Variants in ARHGEF11 observed in about 807,000 individuals in gnomAD.
ARHGEF11 encodes the protein Rho guanine nucleotide exchange factor 11.
Under a neutral mutation model 193.7 loss-of-function variants are expected in ARHGEF11, and 55 were observed. The observed-to-expected ratio is 0.28, with a 90% confidence interval of 0.23 to 0.36. The LOEUF is 0.36. ARHGEF11 is among the 10% of genes least tolerant of loss of function. The pLI is 1.00. For missense variants in ARHGEF11, 1,723 were observed against 2,005.6 expected (o/e 0.86, Z 2.69); for synonymous variants, 693 against 768.0 (o/e 0.90, Z 1.62).
At position 156,946,637 on chromosome 1, in the gene ARHGEF11, G is replaced by A. The variant is rs781765101; in HGVS notation, c.2694+25C>T. Reference sequence around the variant, plus strand: ...GGTGACCTTGATGGAGATGAAGGAAGGCCAAGGCATGGCCAAGGACGCACC... The same window carrying A: ...GGTGACCTTGATGGAGATGAAGGAAAGCCAAGGCATGGCCAAGGACGCACC... On this transcript the variant is annotated intron_variant, in intron 28 of 40. Coordinates refer to ENST00000368194, the MANE Select transcript of ARHGEF11 (RefSeq NM_198236.3). 3.0e-5 allele frequency: 48 copies of A among 1,613,982 alleles called. No individual in the cohort carries two copies. In the South Asian group the frequency reaches 4.5e-4, roughly 15 times the overall value.
intron 8 of ARHGEF11, 115 bp from the exon 9 acceptor site, chr1:156,970,158 G>C (rs1368783281): frequency 8.3e-6 from 7 of 844,036 alleles, no homozygotes; most frequent in Non-Finnish European, 1.4e-5. Context: ...CCGCTTCATT[G>C]CCTCAAAAAT....
At chr1:156,990,950 G>A (rs571505036) in intron 1 of ARHGEF11, among the ~76,000 whole-genome samples, 53 of 152,238 alleles carry the variant, frequency 3.5e-4, no homozygotes, top group Admixed American at 9.8e-4. Flanking sequence ...CATTGCTGCT[G>A]AGCTGTCCCT....
chr1:156,939,899 G>A lies in ARHGEF11; in HGVS notation c.3745C>T (p.Arg1249Ter), dbSNP rs1036932379. The change falls in exon 37 of 41, where the codon CGA becomes TGA. Residue 1249 changes from arginine (R) to a stop codon, truncating the protein, a stop_gained. Coordinates refer to ENST00000368194, the MANE Select transcript of ARHGEF11 (RefSeq NM_198236.3). LOFTEE classifies it high-confidence loss of function. ...AGCAGGCTCCACAGGATCAGATGTCGCAGGTTCTCCACTGGAGGGGAAACA... is the reference window on the plus strand; with the variant it reads ...AGCAGGCTCCACAGGATCAGATGTCACAGGTTCTCCACTGGAGGGGAAACA... ...DSALEDVENL[R>*]HLILWSLLPG... 1.2e-6 allele frequency: 2 copies of A among 1,604,636 alleles called. No individual in the cohort carries two copies. Among genetic ancestry groups the A allele is most frequent in the South Asian group, 1.1e-5 (1 of 90,980 alleles).
At chr1:156,999,586 A>G (rs768476628) in intron 1 of ARHGEF11, among the ~76,000 whole-genome samples, 67 of 152,194 alleles carry the variant, frequency 4.4e-4, no homozygotes, top group Admixed American at 1.9e-3. Flanking sequence ...GAAAAGAAAC[A>G]ACAGACACCA....
chr1:156,969,215 G>A (rs1571296646), intron 10 of ARHGEF11, 67 bp downstream of exon 10: 2 of 1,357,848 alleles, frequency 1.5e-6, no homozygotes, highest in Non-Finnish European at 2.1e-6. Context: ...GTAGGCAGCA[G>A]AACTTGGGTC....
At chr1:156,978,813 T>C (rs1421811455) in intron 5 of ARHGEF11, among the ~76,000 whole-genome samples, 1 of 152,254 alleles carries the variant, frequency 6.6e-6, no homozygotes, top group African/African-American at 2.4e-5. Context: ...TCTATTTGAA[T>C]ATTTGTGCAG....
Position 156,944,441 on chromosome 1 carries a change from G to A in ARHGEF11, c.2992-8C>T, listed in dbSNP as rs1172523400. 1.9e-6 allele frequency: 3 copies of A among 1,587,448 alleles called. No individual in the cohort carries two copies. Among genetic ancestry groups the A allele is most frequent in the Non-Finnish European group, 2.6e-6 (3 of 1,173,136 alleles). On this transcript the variant is annotated splice_region_variant and splice_polypyrimidine_tract_variant and intron_variant, in intron 30 of 40. Coordinates refer to ENST00000368194, the MANE Select transcript of ARHGEF11 (RefSeq NM_198236.3). ...GGTTGTAAGATCCAGGCTCTGTTAA[G>A]GAGACACCATTCATTCATTCATTCA...
chr1:157,032,972 T>C (rs78736755), intron 1 of ARHGEF11, among the ~76,000 whole-genome samples: 4,306 of 152,192 alleles, frequency 0.028, 76 homozygotes, highest in South Asian at 0.054. Context: ...TTCCTTCACC[T>C]CCCTTTTAAA....
intron 6 of ARHGEF11, 133 bp downstream of exon 6, chr1:156,978,071 A>G: frequency 1.5e-6 from 2 of 1,372,074 alleles, no homozygotes; most frequent in Non-Finnish European, 2.0e-6. Flanking sequence ...CAACTCTTTC[A>G]ATGGTCTTTC....
rs75193066 is a variant in ARHGEF11 at position 157,041,822 on chromosome 1, C to G, written c.32+2477G>C. ...GTTGCTTTATGTGGTCTTCAAGAGT[C>G]TTACGTGTTTCCCAGTCCCCCAGTT... On this transcript the variant is annotated intron_variant, in intron 1 of 40. Coordinates refer to ENST00000368194, the MANE Select transcript of ARHGEF11 (RefSeq NM_198236.3). 5.3e-3 allele frequency among the ~76,000 whole-genome samples: 805 copies of G among 152,252 alleles called. 10 individuals carry two copies. Among genetic ancestry groups the G allele is most frequent in the African/African-American group, 0.019 (769 of 41,544 alleles).
In ARHGEF11 at chr1:157,032,631, AT is replaced by A. The variant is rs796636140; in HGVS notation, c.32+11667del. Among the ~76,000 whole-genome samples the A allele has an allele frequency of 3.2e-4, 48 of 150,752 alleles. 1 individual carries two copies. Among genetic ancestry groups the A allele is most frequent in the East Asian group, 1.8e-3 (9 of 5,122 alleles). On this transcript the variant is annotated intron_variant, in intron 1 of 40. Transcript: ENST00000368194. ...CCTACCTGACAGGACCAGGAGCGAC[AT>A]TTTTTTTTTCCTTTCTGATGAAACT...
chr1:156,936,782 TG>T, intron 40 of ARHGEF11, 33 bp downstream of exon 40: 1 of 1,593,258 alleles, frequency 6.3e-7, no homozygotes, highest in African/African-American at 1.3e-5. Flanking sequence ...TCTCCCCCAA[TG>T]GTAGGAACCG....
chr1:157,044,179 C>T (rs982780348), intron 1 of ARHGEF11, 120 bp downstream of exon 1: 2 of 901,730 alleles, frequency 2.2e-6, no homozygotes, highest in African/African-American at 3.3e-5. Flanking sequence ...ATGCTCCTAG[C>T]CCACCAATTC....
At chr1:157,014,248 C>T (rs1259739386) in intron 1 of ARHGEF11, among the ~76,000 whole-genome samples, 1 of 152,158 alleles carries the variant, frequency 6.6e-6, no homozygotes, top group African/African-American at 2.4e-5. Context: ...TGTTCTTCTT[C>T]AATTTCCTAC....
In ARHGEF11 at chr1:156,948,013, T is replaced by C; in HGVS notation, c.2154-57A>G. The C allele has an allele frequency of 6.3e-7, 1 of 1,590,282 alleles. No individual in the cohort carries two copies. The highest frequency in any genetic ancestry group is 8.6e-7 in the Non-Finnish European group (1 of 1,164,270). ...AGGAGGAAGAACTCACACAGAGGGT[T>C]TGGCCCTCCCTCTCCTGCCCGACCT... is the stretch of plus-strand genomic sequence containing the variant. On this transcript the variant is annotated intron_variant, in intron 24 of 40. Transcript: ENST00000368194. This position sits in a 1 kb window ranked among gnomAD's most constrained non-coding sequence, Gnocchi z 4.2.
chr1:156,988,902 G>A (rs1665316080), intron 1 of ARHGEF11, among the ~76,000 whole-genome samples: 1 of 152,152 alleles, frequency 6.6e-6, no homozygotes, highest in South Asian at 2.1e-4. Flanking sequence ...AGAATCAATG[G>A]ACAGACTATT....
At chr1:157,003,163 A>C (rs561265676) in intron 1 of ARHGEF11, among the ~76,000 whole-genome samples, 1 of 152,364 alleles carries the variant, frequency 6.6e-6, no homozygotes, top group East Asian at 1.9e-4. Context: ...TTTACAGATA[A>C]GAAAATGGGC....
rs776724114 is a variant in ARHGEF11, at chr1:156,938,522, ACAC to A, written c.4097-12_4097-10del. On this transcript the variant is annotated splice_polypyrimidine_tract_variant and intron_variant, in intron 37 of 40. Coordinates refer to ENST00000368194, the MANE Select transcript of ARHGEF11 (RefSeq NM_198236.3). ...GCTGCCTGCCACCTCAGCTGCACCG[ACAC>A]CACCACCACCAGGAAGAGGAGAGAC... The A allele has an allele frequency of 1.2e-5, 20 of 1,610,612 alleles. No individual in the cohort carries two copies. The highest frequency in any genetic ancestry group is 1.7e-4 in the Middle Eastern group (1 of 6,050).
intron 1 of ARHGEF11, among the ~76,000 whole-genome samples, chr1:157,027,653 G>C (rs1380065131): frequency 6.6e-6 from 1 of 152,180 alleles, no homozygotes; most frequent in South Asian, 2.1e-4. Context: ...TTTTCCAAAA[G>C]TAACTGCAAC....
Sources: gnomAD v4.1 joint callset for allele counts (sites outside exome capture counted in the v4.1 genomes callset) on GRCh38, gnomAD v4.1.1 for gene constraint, Gnocchi (gnomAD v3.1) non-coding constraint, MANE v1.5 for transcripts, NCBI Gene and HGNC (gene_info 2026-07-23, HGNC 2026-07-21) for gene names.